NEK6: variants seen among roughly 807,000 people sequenced by gnomAD.
NEK6 encodes the protein serine/threonine-protein kinase Nek6.
Under a neutral mutation model 43.5 loss-of-function variants are expected in NEK6, and 27 were observed. The ratio of observed to expected loss-of-function variants is 0.62; its 90% CI spans 0.46 to 0.86. The LOEUF (loss-of-function observed/expected upper bound fraction) is 0.86, where lower values mean the gene tolerates loss of function less well. Among genes scored for constraint, NEK6 ranks in the 40% least tolerant of loss-of-function variants. NEK6 has a pLI of 0.00. For synonymous variants in NEK6, 167 were observed against 164.1 expected, an observed-to-expected ratio of 1.02 and a Z score of -0.14; for missense variants, 318 against 414.4, an observed-to-expected ratio of 0.77 and a Z score of 2.02.
chr9:124,286,221 C>T (rs1199163721), intron 1 of NEK6, among the ~76,000 whole-genome samples: 1 of 152,212 alleles, frequency 6.6e-6, no homozygotes, highest in Non-Finnish European at 1.5e-5. Flanking sequence ...TTCTATTCAG[C>T]TGTTAGTTCT....
At chr9:124,345,630 T>G (rs867733483) in intron 8 of NEK6, among the ~76,000 whole-genome samples, 2 of 152,152 alleles carry the variant, frequency 1.3e-5, no homozygotes, top group African/African-American at 2.4e-5. Context: ...GAAGATCGGC[T>G]GATTCCTCTC....
At chr9:124,284,885 C>T in intron 1 of NEK6, among the ~76,000 whole-genome samples, 1 of 152,184 alleles carries the variant, frequency 6.6e-6, no homozygotes, top group East Asian at 1.9e-4. Flanking sequence ...AAATTTACAC[C>T]ACTCTGACTC....
At chr9:124,297,922 A>G (rs1187888539) in intron 1 of NEK6, among the ~76,000 whole-genome samples, 2 of 152,204 alleles carry the variant, frequency 1.3e-5, no homozygotes, top group Admixed American at 6.5e-5. Context: ...TTTCCAGAGC[A>G]CAGGGCTTGG....
intron 1 of NEK6, among the ~76,000 whole-genome samples, chr9:124,260,365 C>T (rs966751186): frequency 1.3e-5 from 2 of 152,124 alleles, no homozygotes; most frequent in African/African-American, 2.4e-5. Flanking sequence ...AGTAGCACCA[C>T]GATAGATGGT....
At chr9:124,292,546 T>A (rs1192322244) in intron 1 of NEK6, 1 of 1,536,532 alleles carries the variant, frequency 6.5e-7, no homozygotes, top group East Asian at 2.4e-5. Flanking sequence ...CAGGGTGAGT[T>A]TTTTACAAAC....
At chr9:124,302,300 C>T (rs1833022684) in intron 2 of NEK6, among the ~76,000 whole-genome samples, 2 of 152,206 alleles carry the variant, frequency 1.3e-5, no homozygotes, top group African/African-American at 4.8e-5. Flanking sequence ...GATCCTGCCC[C>T]TGGAGTGTTC....
At chr9:124,290,722 C>T (rs1430506432) in intron 1 of NEK6, among the ~76,000 whole-genome samples, 2 of 152,228 alleles carry the variant, frequency 1.3e-5, no homozygotes, top group African/African-American at 4.8e-5. Context: ...CCCTTGATCC[C>T]ACGGTGTCCT....
intron 1 of NEK6, among the ~76,000 whole-genome samples, chr9:124,294,626 C>T (rs559286353): frequency 4.2e-4 from 64 of 152,128 alleles, no homozygotes; most frequent in Admixed American, 9.2e-4. Flanking sequence ...ATGGAAGGAC[C>T]AGGGTGCTGT....
At chr9:124,272,594 T>C (rs1831491013) in intron 1 of NEK6, among the ~76,000 whole-genome samples, 1 of 152,274 alleles carries the variant, frequency 6.6e-6, no homozygotes, top group Non-Finnish European at 1.5e-5. Flanking sequence ...GGCTTTGCTT[T>C]GCTTCAAGGT....
chr9:124,349,143 C>T (rs555403764), intron 9 of NEK6, among the ~76,000 whole-genome samples: 6 of 152,330 alleles, frequency 3.9e-5, no homozygotes, highest in African/African-American at 1.2e-4. Flanking sequence ...TAGAGGAGCT[C>T]GAGTGTCGGG....
intron 1 of NEK6, among the ~76,000 whole-genome samples, chr9:124,259,682 C>T (rs1205745182): frequency 6.6e-6 from 1 of 152,164 alleles, no homozygotes; most frequent in Non-Finnish European, 1.5e-5. Flanking sequence ...CACTCCCTGG[C>T]AGAGAGCCTG....
intron 1 of NEK6, among the ~76,000 whole-genome samples, chr9:124,278,568 G>C (rs1160514227): frequency 6.6e-6 from 1 of 152,168 alleles, no homozygotes; most frequent in African/African-American, 2.4e-5. Flanking sequence ...GGTTCTGCCC[G>C]CCAACAGGGG....
intron 1 of NEK6, among the ~76,000 whole-genome samples, chr9:124,288,514 C>T (rs1832258694): frequency 6.6e-6 from 1 of 152,132 alleles, no homozygotes; most frequent in Non-Finnish European, 1.5e-5. Context: ...GAACTCTTGA[C>T]CTCAAGTGAT....
intron 1 of NEK6, among the ~76,000 whole-genome samples, chr9:124,301,474 A>G (rs1832972440): frequency 6.6e-6 from 1 of 152,186 alleles, no homozygotes; most frequent in Non-Finnish European, 1.5e-5. Context: ...TCCTTCCCAC[A>G]GCAGCTGTCT....
Position 124,327,403 on chromosome 9 carries a change from G to A in NEK6, c.580G>A (p.Gly194Ser). The A allele has an allele frequency of 6.2e-7, 1 of 1,613,624 alleles. No individual in the cohort carries two copies. The highest frequency in any genetic ancestry group is 1.3e-5 in the African/African-American group (1 of 75,024). The change falls in exon 7 of 10, where the codon GGC (glycine) becomes AGC (serine). Residue 194 changes from glycine (G) to serine (S), a missense_variant. By Grantham distance (56) the Gly-to-Ser change is moderately conservative (BLOSUM62 0). This residue lies in a region of NEK6 where 239 missense variants were observed against 344.4 expected (regional missense o/e 0.69). Transcript: ENST00000320246. Reference protein sequence around the residue: ...GVVKLGDLGLGRFFSSETTAA... With the variant: ...GVVKLGDLGLSRFFSSETTAA... ...CGTGAAGCTCGGTGACCTTGGTCTG[G>A]GCCGCTTCTTCAGCTCTGAGACCAC... is the stretch of plus-strand genomic sequence containing the variant.
chr9:124,284,648 C>T (rs1832071949), intron 1 of NEK6, among the ~76,000 whole-genome samples: 1 of 152,228 alleles, frequency 6.6e-6, no homozygotes. Flanking sequence ...TGCAGCTGGG[C>T]CCTGTCCTTC....
intron 1 of NEK6, among the ~76,000 whole-genome samples, chr9:124,260,847 A>G (rs918809849): frequency 3.3e-5 from 5 of 152,218 alleles, no homozygotes; most frequent in African/African-American, 1.2e-4. Context: ...GAATGCGCCA[A>G]AGACCATGTG....
At chr9:124,307,357 G>A (rs1201711549) in intron 2 of NEK6, among the ~76,000 whole-genome samples, 1 of 152,180 alleles carries the variant, frequency 6.6e-6, no homozygotes, top group Non-Finnish European at 1.5e-5. Context: ...GAATGCCAGC[G>A]ACATTTCTTG....
chr9:124,261,262 G>C (rs149338546), intron 1 of NEK6: 1 of 361,138 alleles, frequency 2.8e-6, no homozygotes, highest in African/African-American at 2.2e-5. Context: ...AGCTACTGGA[G>C]AGAAAGGGCT....
Sources: allele counts gnomAD v4.1 joint callset (sites outside exome capture counted in the v4.1 genomes callset), GRCh38; gene constraint gnomAD v4.1.1; regional missense constraint gnomAD v4.1.1; transcripts MANE v1.5; gene names NCBI Gene and HGNC (gene_info 2026-07-23, HGNC 2026-07-21).